PALM2AKAP2: variants seen among roughly 807,000 people sequenced by gnomAD.
The protein encoded by PALM2AKAP2 is PALM2 and AKAP2 fusion.
Under a neutral mutation model 71.5 loss-of-function variants are expected in PALM2AKAP2, and 37 were observed. That is an observed-to-expected ratio of 0.52 (90% CI 0.40 to 0.68). The LOEUF (loss-of-function observed/expected upper bound fraction) is 0.68. Among genes scored for constraint, PALM2AKAP2 ranks in the 30% least tolerant of loss-of-function variants. PALM2AKAP2 has a pLI of 0.00. For synonymous variants in PALM2AKAP2, 468 were observed against 478.8 expected (o/e 0.98, Z 0.29); for missense variants, 1,224 against 1,191.8 (o/e 1.03, Z -0.40).
At chr9:109,945,729 C>T (rs961761173) in intron 6 of PALM2AKAP2, 7 of 152,154 alleles carry the variant, frequency 4.6e-5, no homozygotes, top group Admixed American at 2.0e-4. Context: ...AATGTAGAAC[C>T]TTTAAGCTTG....
chr9:110,081,590 C>T (rs776490309), intron 1 of PALM2AKAP2, among the ~76,000 whole-genome samples: 16 of 151,252 alleles, frequency 1.1e-4, no homozygotes, highest in Non-Finnish European at 2.1e-4. Flanking sequence ...ACAGAGAATC[C>T]CAGGGCTAAA....
intron 1 of PALM2AKAP2, among the ~76,000 whole-genome samples, chr9:109,732,467 G>C (rs780008240): frequency 1.3e-5 from 2 of 152,188 alleles, no homozygotes; most frequent in Admixed American, 1.3e-4. Context: ...CCTAAGAATG[G>C]GTGGATGACA....
intron 1 of PALM2AKAP2, among the ~76,000 whole-genome samples, chr9:109,864,510 A>T (rs1005377405): frequency 6.6e-6 from 1 of 152,186 alleles, no homozygotes; most frequent in South Asian, 2.1e-4. Context: ...TCCTTACTGC[A>T]CAACCAGGTG....
At chr9:109,843,001 G>A (rs1389351835) in intron 1 of PALM2AKAP2, among the ~76,000 whole-genome samples, 22 of 151,868 alleles carry the variant, frequency 1.4e-4, no homozygotes, top group Admixed American at 6.6e-4. Context: ...TTTGCCGGGC[G>A]TGGTGGCGCA....
intron 1 of PALM2AKAP2, among the ~76,000 whole-genome samples, chr9:109,815,955 G>C (rs1338158621): frequency 2.0e-5 from 3 of 152,158 alleles, no homozygotes; most frequent in African/African-American, 7.2e-5. Context: ...GAGAGGTCAG[G>C]GCATGATGGA....
intron 1 of PALM2AKAP2, among the ~76,000 whole-genome samples, chr9:110,078,145 G>A (rs1224357736): frequency 4.6e-5 from 7 of 152,224 alleles, no homozygotes; most frequent in East Asian, 1.9e-4. Flanking sequence ...ATGAATAGGC[G>A]TGGCTGTGTT....
intron 1 of PALM2AKAP2, among the ~76,000 whole-genome samples, chr9:109,840,594 G>C (rs1346485383): frequency 1.3e-5 from 2 of 152,142 alleles, no homozygotes; most frequent in Non-Finnish European, 1.5e-5. Flanking sequence ...TACAGAATGG[G>C]AGAACATTTT....
intron 1 of PALM2AKAP2, among the ~76,000 whole-genome samples, chr9:109,819,051 A>G (rs375842581): frequency 1.3e-5 from 2 of 152,292 alleles, no homozygotes; most frequent in East Asian, 1.9e-4. Context: ...GAAAAAATAC[A>G]TTTTGCTTTA....
At chr9:109,703,235 C>T (rs2118588325) in intron 1 of PALM2AKAP2, among the ~76,000 whole-genome samples, 1 of 152,166 alleles carries the variant, frequency 6.6e-6, no homozygotes, top group Middle Eastern at 3.4e-3. Flanking sequence ...GGTCAGTATT[C>T]CCAGTAAAAT....
intron 7 of PALM2AKAP2, among the ~76,000 whole-genome samples, chr9:110,035,098 C>A (rs975705175): frequency 6.7e-6 from 1 of 149,412 alleles, no homozygotes; most frequent in Non-Finnish European, 1.5e-5. Context: ...AATCAACTTA[C>A]GGGAAAATCT....
intron 3 of PALM2AKAP2, among the ~76,000 whole-genome samples, chr9:109,904,430 T>G (rs567550554): frequency 3.9e-4 from 60 of 152,366 alleles, no homozygotes; most frequent in African/African-American, 1.4e-3. Context: ...AATTTTCTTA[T>G]GTGCTCAGGA....
At chr9:109,869,133 C>T (rs1206308340) in intron 2 of PALM2AKAP2, among the ~76,000 whole-genome samples, 1 of 152,138 alleles carries the variant, frequency 6.6e-6, no homozygotes, top group Non-Finnish European at 1.5e-5. Context: ...TCACTTTAAG[C>T]TCAACGTAGT....
chr9:110,045,329 A>G (rs1833577204), upstream of PALM2AKAP2, among the ~76,000 whole-genome samples: 1 of 152,182 alleles, frequency 6.6e-6, no homozygotes, highest in African/African-American at 2.4e-5. Context: ...TAGGAGAGTA[A>G]ATATGCTTCT....
intron 1 of PALM2AKAP2, among the ~76,000 whole-genome samples, chr9:110,128,564 A>G (rs1835668046): frequency 1.3e-5 from 2 of 152,252 alleles, no homozygotes; most frequent in South Asian, 4.1e-4. Context: ...TTTAAATGTC[A>G]TGGCTTTAGT....
chr9:110,026,086 T>C (rs1036691093), intron 7 of PALM2AKAP2, among the ~76,000 whole-genome samples: 1 of 146,708 alleles, frequency 6.8e-6, no homozygotes, highest in African/African-American at 2.8e-5. Flanking sequence ...CTTTTATTTA[T>C]TTCTTTCTTT....
chr9:109,678,009 C>T (rs1242133087), intron 1 of PALM2AKAP2, among the ~76,000 whole-genome samples: 1 of 152,162 alleles, frequency 6.6e-6, no homozygotes, highest in Non-Finnish European at 1.5e-5. Context: ...TGCAAATTGC[C>T]TCTAAGCTTG....
intron 1 of PALM2AKAP2, among the ~76,000 whole-genome samples, chr9:109,684,386 T>A (rs1827779502): frequency 6.6e-6 from 1 of 152,130 alleles, no homozygotes; most frequent in Admixed American, 6.6e-5. Flanking sequence ...TCAGAGTGTT[T>A]TCAATAGAAC....
chr9:110,077,499 A>G (rs1057171401), intron 1 of PALM2AKAP2, among the ~76,000 whole-genome samples: 1 of 152,228 alleles, frequency 6.6e-6, no homozygotes, highest in Non-Finnish European at 1.5e-5. Flanking sequence ...GCCATGTGTC[A>G]GGTAAACGGT....
chr9:109,776,779 G>A (rs553709553), upstream of PALM2AKAP2, among the ~76,000 whole-genome samples: 1 of 152,352 alleles, frequency 6.6e-6, no homozygotes, highest in East Asian at 1.9e-4. Flanking sequence ...CTGGCCAGAA[G>A]CATTTTGAAT....
Sources: allele counts gnomAD v4.1 joint callset (sites outside exome capture counted in the v4.1 genomes callset), GRCh38; gene constraint gnomAD v4.1.1; transcripts MANE v1.5; gene names NCBI Gene and HGNC (gene_info 2026-07-23, HGNC 2026-07-21).